Variants in FAM184B observed in about 807,000 individuals in gnomAD.
The protein encoded by FAM184B is protein FAM184B.
Under a neutral mutation model 135.9 loss-of-function variants are expected in FAM184B, and 111 were observed. The observed-to-expected ratio is 0.82, with a 90% CI of 0.70 to 0.96. The LOEUF is 0.96. FAM184B is among the 40% of genes least tolerant of loss of function. FAM184B has a pLI of 0.00. For missense variants in FAM184B, 1,375 were observed against 1,323.9 expected (o/e 1.04, Z -0.60); for synonymous variants, 552 against 524.8 (o/e 1.05, Z -0.71).
chr4:17,725,013 G>A (rs1394507172), intron 1 of FAM184B, among the ~76,000 whole-genome samples: 3 of 152,032 alleles, frequency 2.0e-5, no homozygotes, highest in Non-Finnish European at 2.9e-5. Flanking sequence ...ATCTGCCCCC[G>A]CATACCTGAG....
At chr4:17,701,032 G>A (rs1243031295) in intron 5 of FAM184B, among the ~76,000 whole-genome samples, 6 of 152,166 alleles carry the variant, frequency 3.9e-5, no homozygotes, top group South Asian at 2.1e-4. Context: ...GACATATGTC[G>A]AGGTGACATA....
intron 1 of FAM184B, among the ~76,000 whole-genome samples, chr4:17,765,646 A>C (rs17583543): frequency 0.36 from 54,881 of 152,112 alleles, 11,668 homozygotes; most frequent in Non-Finnish European, 0.48. Flanking sequence ...CTCTGCTGAC[A>C]CTGCCACCTG....
chr4:17,649,807 C>G (rs1715561187), intron 11 of FAM184B, among the ~76,000 whole-genome samples: 1 of 151,938 alleles, frequency 6.6e-6, no homozygotes, highest in African/African-American at 2.4e-5. Flanking sequence ...TATCCATCTA[C>G]CTATCCATCC....
At position 17,629,743 on chromosome 4, in the gene FAM184B, AGATT is replaced by A. The variant is rs770804342; in HGVS notation, c.*2785_*2788del. On this transcript the variant is annotated 3_prime_UTR_variant, in exon 18 of 18. Transcript: ENST00000265018. ...ATCTCTAGACCGCTCTGCTGTTGAG[AGATT>A]GATGGAATCATTATGCAAACTAAAA... is the stretch of plus-strand genomic sequence containing the variant. 3.3e-5 allele frequency: 5 copies of A among 152,196 alleles called. No homozygotes were observed. Among genetic ancestry groups the A allele is most frequent in the Non-Finnish European group, 7.3e-5 (5 of 68,036 alleles). 9.4% of individuals were successfully genotyped at this position (152,196 alleles called of 1,614,324 possible).
intron 8 of FAM184B, 108 bp from the exon 9 acceptor site, chr4:17,660,195 G>T (rs1022519333): frequency 1.3e-5 from 17 of 1,279,088 alleles, no homozygotes; most frequent in Non-Finnish European, 1.7e-5. Flanking sequence ...AGCTCCGATA[G>T]CAGTTAGTGG....
intron 11 of FAM184B, 68 bp downstream of exon 11, chr4:17,652,762 G>C: frequency 6.7e-7 from 1 of 1,502,178 alleles, no homozygotes; most frequent in Non-Finnish European, 9.0e-7. Context: ...CCCTCAGCTT[G>C]TCTCTGGTTT....
chr4:17,757,273 G>GTGTGTGTGTA (rs766715850), intron 1 of FAM184B, among the ~76,000 whole-genome samples: 2 of 152,112 alleles, frequency 1.3e-5, no homozygotes, highest in African/African-American at 2.4e-5. Context: ...AAAAAACAAT[G>GTGTGTGTGTA]TGTGTGTGTA....
intron 7 of FAM184B, among the ~76,000 whole-genome samples, chr4:17,682,201 C>T (rs1391071717): frequency 6.6e-6 from 1 of 152,186 alleles, no homozygotes; most frequent in East Asian, 1.9e-4. Flanking sequence ...CAGTGTGGCC[C>T]AGGCACCAAA....
chr4:17,777,365 G>A (rs1467855488), intron 1 of FAM184B, among the ~76,000 whole-genome samples: 1 of 152,104 alleles, frequency 6.6e-6, no homozygotes, highest in Non-Finnish European at 1.5e-5. Flanking sequence ...GATTTCTTTG[G>A]GGTGATGAAA....
chr4:17,742,999 G>T (rs541555970), intron 1 of FAM184B, among the ~76,000 whole-genome samples: 56 of 152,338 alleles, frequency 3.7e-4, no homozygotes, highest in African/African-American at 1.3e-3. Flanking sequence ...GCTTGCTCCT[G>T]CCAGAGAGGA....
At chr4:17,651,631 C>T (rs1386520027) in intron 11 of FAM184B, among the ~76,000 whole-genome samples, 1 of 150,978 alleles carries the variant, frequency 6.6e-6, no homozygotes, top group Non-Finnish European at 1.5e-5. Flanking sequence ...ATACCAGGCT[C>T]TATTTGAAGC....
intron 1 of FAM184B, among the ~76,000 whole-genome samples, chr4:17,758,141 G>A (rs745840452): frequency 3.9e-5 from 6 of 152,104 alleles, no homozygotes; most frequent in Non-Finnish European, 7.4e-5. Flanking sequence ...TCCAGTTTGC[G>A]AACTGAGGGA....
intron 9 of FAM184B, 42 bp from the exon 10 acceptor site, chr4:17,658,604 T>C: frequency 6.6e-7 from 1 of 1,525,922 alleles, no homozygotes; most frequent in Non-Finnish European, 8.9e-7. Flanking sequence ...GCCCCTTGCC[T>C]TTCCTGGGAT....
At chr4:17,660,934 C>T (rs1715904360) in intron 8 of FAM184B, among the ~76,000 whole-genome samples, 1 of 151,988 alleles carries the variant, frequency 6.6e-6, no homozygotes, top group African/African-American at 2.4e-5. Context: ...AGAAGGGGCA[C>T]TCTGCTTGGC....
intron 1 of FAM184B, among the ~76,000 whole-genome samples, chr4:17,771,097 C>A (rs1004587227): frequency 6.6e-6 from 1 of 152,170 alleles, no homozygotes; most frequent in Non-Finnish European, 1.5e-5. Flanking sequence ...TATGAACATT[C>A]TTGCGTCATT....
At chr4:17,661,791 A>G (rs9291660) in intron 8 of FAM184B, among the ~76,000 whole-genome samples, 106,071 of 152,032 alleles carry the variant, frequency 0.7, 37,647 homozygotes, top group East Asian at 0.93. Flanking sequence ...AGGTGGCACC[A>G]CCAGGTAAGC....
chr4:17,719,230 T>C (rs765898300), intron 1 of FAM184B, among the ~76,000 whole-genome samples: 2 of 152,148 alleles, frequency 1.3e-5, no homozygotes, highest in Non-Finnish European at 2.9e-5. Context: ...AAACAAGCAC[T>C]GTGACAGTTG....
intron 1 of FAM184B, among the ~76,000 whole-genome samples, chr4:17,770,317 A>AG (rs1191341551): frequency 1.3e-5 from 2 of 152,222 alleles, no homozygotes; most frequent in Non-Finnish European, 2.9e-5. Context: ...GCGTCATAGC[A>AG]GGGGTTGGTG....
In FAM184B at chr4:17,677,236, TG is replaced by T. The variant is rs949265033; in HGVS notation, c.1596+11187del. Among the ~76,000 whole-genome samples the T allele has an allele frequency of 1.8e-4, 28 of 152,138 alleles. 1 individual carries two copies. Among genetic ancestry groups the T allele is most frequent in the Admixed American group, 1.8e-3 (28 of 15,278 alleles). On this transcript the variant is annotated intron_variant, in intron 7 of 17. Transcript: ENST00000265018. The stretch of plus-strand genomic sequence containing the variant: ...CTAATTTTTGTATTTTTTGTAGAGA[TG>T]GGGTTTTGCCGTGTTGCCCAGGCTA...
Sources: allele counts gnomAD v4.1 joint callset (sites outside exome capture counted in the v4.1 genomes callset), GRCh38; gene constraint gnomAD v4.1.1; transcripts MANE v1.5; gene names NCBI Gene and HGNC (gene_info 2026-07-23, HGNC 2026-07-21).